GRK3: variants seen among roughly 807,000 people sequenced by gnomAD.
The protein encoded by GRK3 is G protein-coupled receptor kinase 3.
A neutral mutation model predicts 95.7 loss-of-function variants in GRK3; 54 were observed. That is an observed-to-expected ratio of 0.56 (90% CI 0.45 to 0.71). GRK3 has a LOEUF of 0.71. Ranked by LOEUF, GRK3 falls within the 30% of genes least tolerant of loss-of-function variation. The pLI, the probability that GRK3 is intolerant of heterozygous loss-of-function variation, is 0.00. For missense variants in GRK3, 649 were observed against 851.2 expected (o/e 0.76, Z 2.96); for synonymous variants, 281 against 290.8 (o/e 0.97, Z 0.34).
At chr22:25,604,692 T>A (rs1319932631) in intron 2 of GRK3, among the ~76,000 whole-genome samples, 1 of 152,268 alleles carries the variant, frequency 6.6e-6, no homozygotes, top group Admixed American at 6.5e-5. Flanking sequence ...AACTCAGCGT[T>A]GCTGAATGTA....
At chr22:25,608,447 G>A (rs1015078999) in intron 2 of GRK3, among the ~76,000 whole-genome samples, 11 of 152,230 alleles carry the variant, frequency 7.2e-5, no homozygotes, top group Non-Finnish European at 1.5e-4. Context: ...AGATTCTGCA[G>A]GTGGAATTAA....
At chr22:25,566,016 A>T (rs532179708) in intron 1 of GRK3, among the ~76,000 whole-genome samples, 1 of 152,344 alleles carries the variant, frequency 6.6e-6, no homozygotes, top group South Asian at 2.1e-4. Context: ...ATTTATTATT[A>T]AGGTACTAGT....
chr22:25,619,996 T>G (rs1241465338), intron 2 of GRK3, among the ~76,000 whole-genome samples: 1 of 145,070 alleles, frequency 6.9e-6, no homozygotes, highest in Admixed American at 7.1e-5. Context: ...CTTCCTTTCC[T>G]TTGTCTTTTT....
At chr22:25,580,852 G>T (rs1437405326) in intron 1 of GRK3, among the ~76,000 whole-genome samples, 2 of 152,198 alleles carry the variant, frequency 1.3e-5, no homozygotes, top group African/African-American at 4.8e-5. Context: ...AAGTCGAGTG[G>T]AGTGGCTCAT....
intron 8 of GRK3, among the ~76,000 whole-genome samples, chr22:25,675,693 C>T (rs1004874778): frequency 6.6e-6 from 1 of 152,218 alleles, no homozygotes; most frequent in Non-Finnish European, 1.5e-5. Context: ...AGCCTCTGCT[C>T]AGGCACTTCC....
At position 25,605,122 on chromosome 22, in the gene GRK3, T is replaced by A. The variant is rs542837255; in HGVS notation, c.190+669T>A. 1.5e-3 allele frequency among the ~76,000 whole-genome samples: 228 copies of A among 152,330 alleles called. 1 individual carries two copies. Among genetic ancestry groups the A allele is most frequent in the African/African-American group, 5.3e-3 (220 of 41,574 alleles). On this transcript the variant is annotated intron_variant, in intron 2 of 20. Coordinates refer to ENST00000324198, the MANE Select transcript of GRK3 (RefSeq NM_005160.4). ...GGATTTTTGTAAACCACTTTATCTG[T>A]TTTACGAAAATTAGCCTGTCTGTGA...
chr22:25,637,288 C>G (rs1343133829), intron 2 of GRK3, among the ~76,000 whole-genome samples: 1 of 152,172 alleles, frequency 6.6e-6, no homozygotes, highest in East Asian at 1.9e-4. Flanking sequence ...TCTGTTTCTC[C>G]AGCTTGCAGA....
At chr22:25,674,303 C>T (rs1442236405) in intron 7 of GRK3, 134 bp from the exon 8 acceptor site, 10 of 632,638 alleles carry the variant, frequency 1.6e-5, no homozygotes, top group Non-Finnish European at 2.4e-5. Flanking sequence ...AGCTTAAAGA[C>T]TCAGTCATGA....
intron 2 of GRK3, among the ~76,000 whole-genome samples, chr22:25,642,148 C>G (rs1026260886): frequency 2.6e-5 from 4 of 152,136 alleles, no homozygotes; most frequent in African/African-American, 9.7e-5. Context: ...AATAAATAGA[C>G]AGATGGCCGC....
chr22:25,659,278 G>T (rs1417917566), intron 3 of GRK3, among the ~76,000 whole-genome samples: 1 of 152,194 alleles, frequency 6.6e-6, no homozygotes, highest in Non-Finnish European at 1.5e-5. Flanking sequence ...CTGCTGAGAA[G>T]TCAATAAGGT....
intron 9 of GRK3, 33 bp downstream of exon 9, chr22:25,678,948 A>C (rs2085053563): frequency 1.4e-6 from 2 of 1,400,226 alleles, no homozygotes; most frequent in Admixed American, 4.2e-5. Flanking sequence ...TTCTTTTAAA[A>C]ATGTTTTGTT....
At chr22:25,664,071 A>G (rs1297409220) in intron 5 of GRK3, among the ~76,000 whole-genome samples, 1 of 152,224 alleles carries the variant, frequency 6.6e-6, no homozygotes, top group East Asian at 1.9e-4. Context: ...GGCTGTTGAT[A>G]CTTGCTGTGA....
intron 2 of GRK3, among the ~76,000 whole-genome samples, chr22:25,625,901 C>G (rs536562989): frequency 1.3e-5 from 2 of 152,350 alleles, no homozygotes; most frequent in African/African-American, 4.8e-5. Context: ...GTGACCTTAC[C>G]TATCATTGGA....
intron 1 of GRK3, among the ~76,000 whole-genome samples, chr22:25,586,080 C>T (rs564437079): frequency 8.5e-5 from 13 of 152,332 alleles, no homozygotes; most frequent in African/African-American, 3.1e-4. Flanking sequence ...TATTAACTGA[C>T]ATGAATATGC....
intron 3 of GRK3, chr22:25,648,773 G>T: frequency 8.6e-7 from 1 of 1,161,476 alleles, no homozygotes; most frequent in South Asian, 1.2e-5. Context: ...TTAAAAGAAT[G>T]AACTATATTC....
intron 9 of GRK3, among the ~76,000 whole-genome samples, chr22:25,684,320 A>G (rs889173670): frequency 2.6e-5 from 4 of 152,218 alleles, no homozygotes; most frequent in Non-Finnish European, 5.9e-5. Context: ...ATTCAAGAAT[A>G]TTGGAACTTT....
At position 25,695,021 on chromosome 22, in the gene GRK3, A is replaced by T. The variant is rs1399009101; in HGVS notation, c.1053-86A>T. 9.2e-6 allele frequency: 8 copies of T among 873,398 alleles called. 1 individual carries two copies. Among genetic ancestry groups the T allele is most frequent in the Non-Finnish European group, 1.1e-5 (6 of 542,742 alleles). The allele number at this position is 873,398 out of a possible 1,614,324, so 54.1% of individuals were successfully genotyped here. Reference sequence around the variant, plus strand: ...CTTTGTTTACAGTCGCTGCCATCTAATGAAGGACACCCGGACCTTGGGGCG... The same window carrying T: ...CTTTGTTTACAGTCGCTGCCATCTATTGAAGGACACCCGGACCTTGGGGCG... On this transcript the variant is annotated intron_variant, in intron 12 of 20. Coordinates refer to ENST00000324198, the MANE Select transcript of GRK3 (RefSeq NM_005160.4).
intron 2 of GRK3, among the ~76,000 whole-genome samples, chr22:25,625,867 C>T (rs2084623959): frequency 6.6e-6 from 1 of 152,142 alleles, no homozygotes; most frequent in South Asian, 2.1e-4. Context: ...GAAGGGCCCC[C>T]TGTCCAGTGG....
intron 18 of GRK3, among the ~76,000 whole-genome samples, chr22:25,717,743 A>G (rs2082665865): frequency 6.6e-6 from 1 of 152,222 alleles, no homozygotes; most frequent in South Asian, 2.1e-4. Context: ...TTTGAGGAAT[A>G]AACCTAACAT....
Sources: allele counts gnomAD v4.1 joint callset (sites outside exome capture counted in the v4.1 genomes callset), GRCh38; gene constraint gnomAD v4.1.1; transcripts MANE v1.5; gene names NCBI Gene and HGNC (gene_info 2026-07-23, HGNC 2026-07-21).